CBLB: variants seen among roughly 807,000 people sequenced by gnomAD.
CBLB encodes Cbl proto-oncogene B.
In CBLB, 31 loss-of-function variants were observed where a neutral mutation model predicts 104.9. That is an observed-to-expected ratio of 0.30 (90% confidence interval 0.22 to 0.40). The LOEUF (loss-of-function observed/expected upper bound fraction) is 0.40. Among genes scored for constraint, CBLB ranks in the 10% least tolerant of loss-of-function variants. The probability of loss-of-function intolerance (pLI) is 1.00; values close to 1 mark genes in which losing one functional copy is unlikely to be tolerated. For missense variants in CBLB, 1,062 were observed against 1,214.6 expected, an observed-to-expected ratio of 0.87 and a Z score of 1.87; for synonymous variants, 440 against 422.6, an observed-to-expected ratio of 1.04 and a Z score of -0.51.
intron 14 of CBLB, among the ~76,000 whole-genome samples, chr3:105,683,586 C>A (rs2066596578): frequency 6.6e-6 from 1 of 151,778 alleles, no homozygotes; most frequent in Non-Finnish European, 1.5e-5. Context: ...CCAAAGAGAC[C>A]AAAAAAAGCT....
At chr3:105,698,870 T>C (rs1307927672) in intron 12 of CBLB, among the ~76,000 whole-genome samples, 1 of 152,116 alleles carries the variant, frequency 6.6e-6, no homozygotes, top group Non-Finnish European at 1.5e-5. Flanking sequence ...ATGATCTACA[T>C]GTTTAAAATG....
At chr3:105,843,857 C>T (rs1339048122) in intron 3 of CBLB, among the ~76,000 whole-genome samples, 2 of 152,124 alleles carry the variant, frequency 1.3e-5, no homozygotes, top group African/African-American at 4.8e-5. Flanking sequence ...TTTCAACTTT[C>T]TTCCCCTCCT....
Position 105,657,835 on chromosome 3 carries a change from C to CA in CBLB, c.*1134dup. Reference sequence around the variant, plus strand: ...AGAGAGAAAATTACTGAGAACTTTGCAAAAAACATTGCCACAGTAGCCTTG... The same window carrying CA: ...AGAGAGAAAATTACTGAGAACTTTGCAAAAAAACATTGCCACAGTAGCCTTG... On this transcript the variant is annotated 3_prime_UTR_variant, in exon 19 of 19. Transcript: ENST00000394030. 4.8e-6 allele frequency: 1 copy of CA among 207,148 alleles called. No individual in the cohort carries two copies. The highest frequency in any genetic ancestry group is 9.8e-6 in the Non-Finnish European group (1 of 101,614). The allele number at this position is 207,148 out of a possible 1,614,324, so 12.8% of individuals were successfully genotyped here.
In CBLB at chr3:105,678,577, T is replaced by C; in HGVS notation, c.2429-6A>G. ...GGCATCAAAAGCATCTTCACCTGCA[T>C]TTAAAGAAAGGTCGATATCAGCAGC... is the stretch of plus-strand genomic sequence containing the variant. On this transcript the variant is annotated splice_region_variant and splice_polypyrimidine_tract_variant and intron_variant, in intron 16 of 18. Coordinates refer to ENST00000394030, the MANE Select transcript of CBLB (RefSeq NM_170662.5). 2 of 1,612,374 alleles carry C rather than the reference T, an allele frequency of 1.2e-6. No homozygotes were observed. Among genetic ancestry groups the C allele is most frequent in the Non-Finnish European group, 1.7e-6 (2 of 1,178,992 alleles).
intron 8 of CBLB, among the ~76,000 whole-genome samples, chr3:105,736,115 CTT>C (rs1288941174): frequency 3.9e-5 from 6 of 152,074 alleles, no homozygotes; most frequent in Non-Finnish European, 4.4e-5. Context: ...TAATTCTTCT[CTT>C]GTTTTTTCCC....
intron 3 of CBLB, among the ~76,000 whole-genome samples, chr3:105,847,944 T>C (rs1474523233): frequency 6.6e-6 from 1 of 152,100 alleles, no homozygotes; most frequent in African/African-American, 2.4e-5. Context: ...AGTAATATAA[T>C]ACTTAGAGTT....
At chr3:105,664,222 T>C (rs1238411506) in intron 18 of CBLB, among the ~76,000 whole-genome samples, 1 of 152,178 alleles carries the variant, frequency 6.6e-6, no homozygotes, top group Non-Finnish European at 1.5e-5. Context: ...CTTCTGTATA[T>C]CTAGGTCACA....
In CBLB at chr3:105,681,744, T is replaced by A; in HGVS notation, c.2276A>T (p.Asp759Val). The A allele has an allele frequency of 6.2e-7, 1 of 1,609,050 alleles. No individual in the cohort carries two copies. Among genetic ancestry groups the A allele is most frequent in the Non-Finnish European group, 8.5e-7 (1 of 1,175,494 alleles). The part of the protein sequence containing the change: ...PSSEKKSNIP[D>V]LSIYLKGDVF... ...CGTACCCTTTAAATATATGCTTAAG[T>A]CAGGGATGTTTGATTTCTTCTCTGA... The change falls in exon 15 of 19, where the codon GAC (aspartate) becomes GTC (valine). Residue 759 changes from aspartate to valine, a missense_variant. Around this residue, in one of 2 missense-constraint regions of CBLB, gnomAD observed 605 missense variants for 582.6 expected, o/e 1.04. Coordinates refer to ENST00000394030, the MANE Select transcript of CBLB (RefSeq NM_170662.5).
At chr3:105,711,049 TA>T (rs2070994190) in intron 10 of CBLB, among the ~76,000 whole-genome samples, 1 of 151,932 alleles carries the variant, frequency 6.6e-6, no homozygotes, top group Admixed American at 6.6e-5. Context: ...AAAACGTTAA[TA>T]AGATCCATTA....
intron 12 of CBLB, among the ~76,000 whole-genome samples, chr3:105,700,760 C>T (rs941692700): frequency 1.3e-5 from 2 of 152,188 alleles, no homozygotes; most frequent in Non-Finnish European, 2.9e-5. Flanking sequence ...GTTTTGAATG[C>T]TGTGCTACTG....
intron 9 of CBLB, among the ~76,000 whole-genome samples, chr3:105,723,746 G>C (rs2073208183): frequency 6.6e-6 from 1 of 151,846 alleles, no homozygotes. Context: ...ATATTGCTAA[G>C]ACAGACATAC....
At chr3:105,807,474 T>C (rs2083667720) in intron 3 of CBLB, among the ~76,000 whole-genome samples, 1 of 152,202 alleles carries the variant, frequency 6.6e-6, no homozygotes, top group Admixed American at 6.5e-5. Flanking sequence ...CTGGTATGTG[T>C]CCAGTGAGCC....
intron 18 of CBLB, among the ~76,000 whole-genome samples, chr3:105,662,043 C>A (rs1297016794): frequency 1.3e-5 from 2 of 152,102 alleles, no homozygotes; most frequent in African/African-American, 4.8e-5. Flanking sequence ...AGCCTTCTAG[C>A]AGAATATTAA....
At chr3:105,673,954 T>A (rs1430959363) in intron 17 of CBLB, 1 of 152,238 alleles carries the variant, frequency 6.6e-6, no homozygotes, top group Non-Finnish European at 1.5e-5. Context: ...GGTTGCACTT[T>A]TTTGAGAATA....
chr3:105,862,289 A>C (rs2092153330), intron 2 of CBLB, among the ~76,000 whole-genome samples: 1 of 152,218 alleles, frequency 6.6e-6, no homozygotes, highest in Admixed American at 6.5e-5. Flanking sequence ...TCACTCTGGT[A>C]CACTGAACTT....
intron 4 of CBLB, among the ~76,000 whole-genome samples, chr3:105,755,753 T>C (rs143779825): frequency 1.9e-4 from 29 of 152,290 alleles, no homozygotes; most frequent in Admixed American, 1.9e-3. Flanking sequence ...TAAGAACATC[T>C]ACTTCTAGGG....
chr3:105,694,186 A>G (rs2068053455), intron 12 of CBLB, among the ~76,000 whole-genome samples: 1 of 151,896 alleles, frequency 6.6e-6, no homozygotes, highest in Admixed American at 6.6e-5. Flanking sequence ...TGAACACACA[A>G]ACCACAATTT....
rs117971325 is a variant in CBLB, at chr3:105,836,599, C to T, written c.419+16815G>A. Among the ~76,000 whole-genome samples the T allele has an allele frequency of 2.6e-5, 4 of 152,220 alleles. No individual in the cohort carries two copies. The East Asian group carries it at 7.7e-4, about 29-fold the overall frequency. ...AATATTTACGGGCAAGTTTCGGAAC[C>T]ACAGTATGGCCTGAGAAATAGGGCA... On this transcript the variant is annotated intron_variant, in intron 3 of 18. Transcript: ENST00000394030.
intron 17 of CBLB, among the ~76,000 whole-genome samples, chr3:105,675,687 C>T (rs2065538035): frequency 1.3e-5 from 2 of 151,908 alleles, no homozygotes; most frequent in East Asian, 3.9e-4. Context: ...AGTTCGAGAC[C>T]AGCCTGGCCA....
Sources: allele counts gnomAD v4.1 joint callset (sites outside exome capture counted in the v4.1 genomes callset), GRCh38; gene constraint gnomAD v4.1.1; regional missense constraint gnomAD v4.1.1; transcripts MANE v1.5; gene names NCBI Gene and HGNC (gene_info 2026-07-23, HGNC 2026-07-21).